ABCB5: variants seen among roughly 807,000 people sequenced by gnomAD.
ABCB5 encodes ATP-binding cassette sub-family B member 5.
In ABCB5, 155 loss-of-function variants were observed where a neutral mutation model predicts 144.2. The ratio of observed to expected loss-of-function variants is 1.08; its 90% confidence interval spans 0.94 to 1.23. The LOEUF is 1.23. Ranked by LOEUF, ABCB5 falls within the 50% of genes most tolerant of loss-of-function variation. ABCB5 has a pLI of 0.00. For missense variants in ABCB5, 1,830 were observed against 1,520.8 expected (o/e 1.20, Z -3.38); for synonymous variants, 610 against 528.6 (o/e 1.15, Z -2.11).
chr7:20,699,483 T>C (rs1453394839), intron 17 of ABCB5, among the ~76,000 whole-genome samples: 1 of 152,140 alleles, frequency 6.6e-6, no homozygotes, highest in Non-Finnish European at 1.5e-5. Flanking sequence ...GCCGGATCAC[T>C]TGAGGTCAAG....
chr7:20,693,422 A>G (rs1044229656), intron 16 of ABCB5, among the ~76,000 whole-genome samples: 5 of 152,182 alleles, frequency 3.3e-5, no homozygotes, highest in African/African-American at 9.6e-5. Flanking sequence ...AATATGGAAT[A>G]AAGTCAGAAG....
At chr7:20,752,248 G>C (rs187569835) in intron 26 of ABCB5, among the ~76,000 whole-genome samples, 1 of 152,282 alleles carries the variant, frequency 6.6e-6, no homozygotes, top group East Asian at 1.9e-4. Flanking sequence ...TAGGTACCAA[G>C]GGCTTATGTT....
chr7:20,694,558 A>G (rs939053808), intron 16 of ABCB5, among the ~76,000 whole-genome samples: 2 of 152,092 alleles, frequency 1.3e-5, no homozygotes, highest in Admixed American at 1.3e-4. Context: ...GGCATACACT[A>G]CATCTATTGA....
rs772724562 is a variant in ABCB5, at chr7:20,723,000, A to T, written c.2422-16A>T. ...AGTTAATTGAGTTTTTTCCCCCAAAATATGTCTGATTATAGGCAACAGGTT... is the reference window on the plus strand; with the variant it reads ...AGTTAATTGAGTTTTTTCCCCCAAATTATGTCTGATTATAGGCAACAGGTT... On this transcript the variant is annotated splice_polypyrimidine_tract_variant and intron_variant, in intron 20 of 27. Coordinates refer to ENST00000404938, the MANE Select transcript of ABCB5 (RefSeq NM_001163941.2). The T allele has an allele frequency of 6.2e-7, 1 of 1,612,876 alleles. No individual in the cohort carries two copies. The highest frequency in any genetic ancestry group is 1.7e-5 in the Admixed American group (1 of 59,990).
chr7:20,683,744 C>T (rs748991864), intron 15 of ABCB5, among the ~76,000 whole-genome samples: 5 of 151,968 alleles, frequency 3.3e-5, no homozygotes, highest in African/African-American at 4.8e-5. Flanking sequence ...AAGCATGGTA[C>T]AGTAAATGTA....
rs996540068 is a variant in ABCB5, at chr7:20,651,581, A to G, written c.1494A>G (p.Ala498=). The G allele has an allele frequency of 1.9e-6, 3 of 1,614,126 alleles. No homozygotes were observed. Among genetic ancestry groups the G allele is most frequent in the Middle Eastern group, 3.3e-4 (2 of 6,062 alleles). ...CTGATGAAGAGATGGAGAGAGCAGC[A>G]AGGGAAGCAAATGCGTATGATTTTA... ...DVTDEEMERA[A]REANAYDFIM... The change falls in exon 13 of 28, where the codon GCA becomes GCG. Residue 498 remains alanine (A), a synonymous_variant. Transcript: ENST00000404938.
rs1045430056 is a variant in ABCB5 at position 20,709,900 on chromosome 7, C to A, written c.2421+5093C>A. On this transcript the variant is annotated intron_variant, in intron 20 of 27. Transcript: ENST00000404938. Reference sequence around the variant, plus strand: ...ACACCAGGCTGCCAACATGGTGAAACCCTGTCTCTACTCAAACCACAAAAA... The same window carrying A: ...ACACCAGGCTGCCAACATGGTGAAAACCTGTCTCTACTCAAACCACAAAAA... Among the ~76,000 whole-genome samples, 51 of 148,628 alleles carry A rather than the reference C, an allele frequency of 3.4e-4. 3 individuals are homozygous for A. Among genetic ancestry groups the A allele is most frequent in the African/African-American group, 1.2e-3 (47 of 40,004 alleles).
intron 20 of ABCB5, among the ~76,000 whole-genome samples, chr7:20,718,341 T>C (rs1033285391): frequency 1.3e-5 from 2 of 152,242 alleles, no homozygotes; most frequent in South Asian, 4.1e-4. Context: ...GGGGATGAAC[T>C]GTAAGTCAGC....
rs943783343 is a variant in ABCB5 at position 20,743,062 on chromosome 7, G to A, written c.3210G>A (p.Val1070=). The change falls in exon 25 of 28, where the codon GTG becomes GTA. Residue 1070 remains valine (V), a synonymous_variant. Coordinates refer to ENST00000404938, the MANE Select transcript of ABCB5 (RefSeq NM_001163941.2). ...VQLLQRLYDP[V]QGQVLFDGVD... Reference sequence around the variant, plus strand: ...TTCTGCAGAGACTTTATGACCCCGTGCAAGGACAAGTGGTAAGACAGAACT... The same window carrying A: ...TTCTGCAGAGACTTTATGACCCCGTACAAGGACAAGTGGTAAGACAGAACT... 8 of 1,613,832 alleles carry A rather than the reference G, an allele frequency of 5.0e-6. No individual in the cohort carries two copies. Among genetic ancestry groups the A allele is most frequent in the African/African-American group, 2.7e-5 (2 of 74,898 alleles).
At chr7:20,654,703 C>CA (rs1583398481) in intron 13 of ABCB5, among the ~76,000 whole-genome samples, 1 of 151,738 alleles carries the variant, frequency 6.6e-6, no homozygotes, top group East Asian at 1.9e-4. Flanking sequence ...TGAAAAATCA[C>CA]AAAAAACAAT....
At chr7:20,651,216 T>C (rs559124514) in intron 12 of ABCB5, among the ~76,000 whole-genome samples, 102 of 152,326 alleles carry the variant, frequency 6.7e-4, no homozygotes, top group Non-Finnish European at 1.3e-3. Context: ...TTAGGCCAAT[T>C]ATTCTTTTGC....
chr7:20,718,012 C>A (rs1193646347), intron 20 of ABCB5, among the ~76,000 whole-genome samples: 2 of 147,644 alleles, frequency 1.4e-5, no homozygotes, highest in African/African-American at 5.0e-5. Flanking sequence ...CGCCATTCTC[C>A]TGCCTCAGCC....
At chr7:20,688,502 C>T (rs994002928) in intron 16 of ABCB5, among the ~76,000 whole-genome samples, 2 of 152,262 alleles carry the variant, frequency 1.3e-5, no homozygotes, top group African/African-American at 4.8e-5. Flanking sequence ...GAAATAGGAA[C>T]ACTTTTACAC....
chr7:20,666,236 C>G (rs940059205), intron 14 of ABCB5, among the ~76,000 whole-genome samples: 4 of 151,908 alleles, frequency 2.6e-5, no homozygotes, highest in African/African-American at 9.7e-5. Flanking sequence ...CACCGATGAG[C>G]CCCAAATCCA....
intron 3 of ABCB5, among the ~76,000 whole-genome samples, chr7:20,628,485 G>A (rs1045254126): frequency 2.0e-5 from 3 of 152,098 alleles, no homozygotes; most frequent in African/African-American, 7.2e-5. Flanking sequence ...CTTTAAAGGA[G>A]ATGGTAAATT....
At chr7:20,753,985 C>T (rs1048478864) in intron 27 of ABCB5, among the ~76,000 whole-genome samples, 2 of 152,152 alleles carry the variant, frequency 1.3e-5, no homozygotes, top group East Asian at 3.9e-4. Flanking sequence ...TGAGAAAATA[C>T]TTGCACAGCA....
intron 20 of ABCB5, among the ~76,000 whole-genome samples, chr7:20,715,244 C>G (rs1781631838): frequency 6.6e-6 from 1 of 152,112 alleles, no homozygotes; most frequent in Non-Finnish European, 1.5e-5. Context: ...TGGAGTTTCA[C>G]CACATTGGCC....
chr7:20,618,833 G>A (rs926803242), intron 1 of ABCB5, among the ~76,000 whole-genome samples: 17 of 120,834 alleles, frequency 1.4e-4, no homozygotes, highest in African/African-American at 5.0e-4. Flanking sequence ...GGAGTGCAGT[G>A]GCACGATCTC....
chr7:20,696,978 T>C (rs1427256867), intron 16 of ABCB5, among the ~76,000 whole-genome samples: 1 of 152,204 alleles, frequency 6.6e-6, no homozygotes, highest in Non-Finnish European at 1.5e-5. Flanking sequence ...ACTGGTGTCC[T>C]GGCACATGTT....
Sources: gnomAD v4.1 joint callset for allele counts (sites outside exome capture counted in the v4.1 genomes callset) on GRCh38, gnomAD v4.1.1 for gene constraint, MANE v1.5 for transcripts, NCBI Gene and HGNC (gene_info 2026-07-23, HGNC 2026-07-21) for gene names.